ZAP70: variants seen among roughly 807,000 people sequenced by gnomAD.
ZAP70 encodes zeta chain of T cell receptor associated protein kinase 70.
Under a neutral mutation model 65.8 loss-of-function variants are expected in ZAP70, and 27 were observed. The observed-to-expected ratio is 0.41, with a 90% CI of 0.30 to 0.57. The LOEUF is 0.57. ZAP70 is among the 20% of genes least tolerant of loss of function. The pLI, the probability that ZAP70 is intolerant of heterozygous loss-of-function variation, is 0.28. For missense variants in ZAP70, 696 were observed against 870.5 expected, an observed-to-expected ratio of 0.80 and a Z score of 2.52; for synonymous variants, 363 against 360.8, an observed-to-expected ratio of 1.01 and a Z score of -0.07.
At position 97,737,562 on chromosome 2, in the gene ZAP70, G is replaced by A. The variant is rs1275947613; in HGVS notation, c.1379G>A (p.Arg460His). Residue 460 changes from arginine (R) to histidine (H), a missense_variant, in exon 11 of 14, where the codon CGT becomes CAT. Arg to His is a conservative substitution (Grantham distance 29, BLOSUM62 0). Coordinates refer to ENST00000264972, the MANE Select transcript of ZAP70 (RefSeq NM_001079.4). This position sits in a 1 kb window ranked among gnomAD's most constrained non-coding sequence, Gnocchi z 5.0. ...CTGGAGGAGAAGAACTTTGTGCACC[G>A]TGACCTGGCGGCCCGCAACGTCCTG... is the stretch of plus-strand genomic sequence containing the variant. ...KYLEEKNFVHRDLAARNVLLV... is the reference protein window; with the variant it reads ...KYLEEKNFVHHDLAARNVLLV... The A allele has an allele frequency of 1.2e-6, 2 of 1,614,154 alleles. No homozygotes were observed. The highest frequency in any genetic ancestry group is 8.5e-7 in the Non-Finnish European group (1 of 1,179,994).
chr2:97,716,632 C>T (rs750563419), intron 2 of ZAP70, among the ~76,000 whole-genome samples: 12 of 152,108 alleles, frequency 7.9e-5, no homozygotes, highest in Non-Finnish European at 1.3e-4. Flanking sequence ...GTACAAAGGC[C>T]CTGAGGCTGC....
At position 97,731,248 on chromosome 2, in the gene ZAP70, A is replaced by C. The variant is rs930538673; in HGVS notation, c.564-1635A>C. On this transcript the variant is annotated intron_variant, in intron 4 of 13. Transcript: ENST00000264972. This position sits in a 1 kb window ranked among gnomAD's most constrained non-coding sequence, Gnocchi z 4.0. ...AGCCTGCCACCTGCCTCTGACTTCC[A>C]CAGCTCTGAGACCCCCAGGGCCAAT... 1.3e-5 allele frequency among the ~76,000 whole-genome samples: 2 copies of C among 152,042 alleles called. No homozygotes were observed. The highest frequency in any genetic ancestry group is 4.8e-5 in the African/African-American group (2 of 41,396).
the ZAP70 span, among the ~76,000 whole-genome samples, chr2:97,750,051 T>C: frequency 6.6e-6 from 1 of 152,210 alleles, no homozygotes; most frequent in African/African-American, 2.4e-5. Flanking sequence ...TTTCACACCA[T>C]CCTCCTGAGG....
At chr2:97,744,609 T>G (rs573626908), downstream of ZAP70, among the ~76,000 whole-genome samples, 1 of 152,290 alleles carries the variant, frequency 6.6e-6, no homozygotes, top group East Asian at 1.9e-4. Flanking sequence ...TGATAGCTGA[T>G]CCATCAAATT....
chr2:97,751,294 TG>T, the ZAP70 span, among the ~76,000 whole-genome samples: 2 of 152,064 alleles, frequency 1.3e-5, no homozygotes, highest in Non-Finnish European at 2.9e-5. Context: ...GAGGCGGGTG[TG>T]TTTTGGATAT....
At position 97,733,728 on chromosome 2, in the gene ZAP70, C is replaced by T. The variant is rs1024357387; in HGVS notation, c.889+133C>T. On this transcript the variant is annotated intron_variant, in intron 8 of 13. Coordinates refer to ENST00000264972, the MANE Select transcript of ZAP70 (RefSeq NM_001079.4). ...CTGTGGCAGTTGGCTTGGTTAACAC[C>T]TGTGCACACATGTGCCCACACCCAT... The T allele has an allele frequency of 1.4e-5, 15 of 1,076,268 alleles. No individual in the cohort carries two copies. In the African/African-American group the frequency reaches 2.0e-4, roughly 14 times the overall value. 66.7% of individuals were successfully genotyped at this position (1,076,268 alleles called of 1,614,324 possible).
chr2:97,754,129 A>ATCT, the ZAP70 span, among the ~76,000 whole-genome samples: 443 of 152,316 alleles, frequency 2.9e-3, 3 homozygotes, highest in African/African-American at 0.01. Context: ...GTTGTGTCAG[A>ATCT]TCTTCAGATT....
chr2:97,734,272 C>A, intron 8 of ZAP70: 1 of 1,106,556 alleles, frequency 9.0e-7, no homozygotes, highest in Non-Finnish European at 1.2e-6. Flanking sequence ...AACGGTGCCA[C>A]GTGGATACCA....
rs199864362 is a variant in ZAP70, at chr2:97,725,094, C to T, written c.405C>T (p.Gly135=). The T allele has an allele frequency of 1.2e-6, 2 of 1,613,956 alleles. No homozygotes were observed. The highest frequency in any genetic ancestry group is 1.7e-6 in the Non-Finnish European group (2 of 1,180,006). ...CCTCCTCGCCTCTCCTTTTCTAGGGCGAGGCCCTGGAGCAGGCCATCATCA... is the reference window on the plus strand; with the variant it reads ...CCTCCTCGCCTCTCCTTTTCTAGGGTGAGGCCCTGGAGCAGGCCATCATCA... The part of the protein sequence containing the change: ...DYVRQTWKLE[G]EALEQAIISQ... Residue 135 remains glycine (G), a splice_region_variant and synonymous_variant, in exon 4 of 14, where the codon GGC becomes GGT. Transcript: ENST00000264972.
At position 97,736,619 on chromosome 2, in the gene ZAP70, C is replaced by T. The variant is rs549584594; in HGVS notation, c.1290-854C>T. On this transcript the variant is annotated intron_variant, in intron 10 of 13. Coordinates refer to ENST00000264972, the MANE Select transcript of ZAP70 (RefSeq NM_001079.4). The surrounding 1 kb of genome is among the most constrained non-coding windows in gnomAD (Gnocchi z 4.0). ...GGTGGGCACAAGCCTGCCGCAGCTC[C>T]AGGGGGTTGGGAGTGTTGGGGTGCG... Among the ~76,000 whole-genome samples the T allele has an allele frequency of 6.6e-6, 1 of 152,300 alleles. No individual in the cohort carries two copies. Among genetic ancestry groups the T allele is most frequent in the Admixed American group, 6.5e-5 (1 of 15,308 alleles).
chr2:97,734,902 G>C lies in ZAP70; in HGVS notation c.1082+190G>C. The C allele has an allele frequency of 4.8e-6, 4 of 826,714 alleles. No homozygotes were observed. In the Admixed American group the frequency reaches 7.4e-5, roughly 15 times the overall value. The allele number at this position is 826,714 out of a possible 1,614,324, so 51.2% of individuals were successfully genotyped here. A position where few individuals can be genotyped will look rare whatever the true frequency, so the allele number is the denominator to read the frequency against. ...CGGGACACCTGACGGGGGTGGGATG[G>C]GGCCTGGGCAGGGGGAGGCTGTGGA... is the stretch of plus-strand genomic sequence containing the variant. On this transcript the variant is annotated intron_variant, in intron 9 of 13. Coordinates refer to ENST00000264972, the MANE Select transcript of ZAP70 (RefSeq NM_001079.4).
chr2:97,724,590 C>A, intron 3 of ZAP70, 152 bp downstream of exon 3: 1 of 1,534,016 alleles, frequency 6.5e-7, no homozygotes, highest in Non-Finnish European at 8.7e-7. Context: ...TGGGGAAGAA[C>A]CTGAAAGGAG....
At chr2:97,755,420 G>GT in the ZAP70 span, among the ~76,000 whole-genome samples, 4 of 152,232 alleles carry the variant, frequency 2.6e-5, no homozygotes, top group Non-Finnish European at 5.9e-5. Context: ...GGCACCCTGT[G>GT]TGACTGCCAC....
intron 2 of ZAP70, among the ~76,000 whole-genome samples, chr2:97,717,469 T>TGAGCCTCTGGCTGGGGGGACATGTG (rs1676981858): frequency 2.1e-5 from 3 of 144,844 alleles, no homozygotes; most frequent in African/African-American, 7.7e-5. Flanking sequence ...GAGGAGCCTC[T>TGAGCCTCTGGCTGGGGGGACATGTG]GAGCCTCTGG....
chr2:97,753,688 A>C, the ZAP70 span, among the ~76,000 whole-genome samples: 1 of 152,190 alleles, frequency 6.6e-6, no homozygotes, highest in Non-Finnish European at 1.5e-5. Flanking sequence ...AACATATAAG[A>C]TACCTGGGCA....
At chr2:97,741,693 A>G (rs910344330), downstream of ZAP70, among the ~76,000 whole-genome samples, 2 of 152,230 alleles carry the variant, frequency 1.3e-5, no homozygotes, top group African/African-American at 4.8e-5. Flanking sequence ...CTGGGCTGGT[A>G]AGTGAGTTAC....
intron 3 of ZAP70, 72 bp downstream of exon 3, chr2:97,724,510 G>A: frequency 6.6e-7 from 1 of 1,514,448 alleles, no homozygotes; most frequent in Non-Finnish European, 8.8e-7. Context: ...GTTTTGGGGG[G>A]ATAGGAGGGA....
At chr2:97,724,883 C>T (rs1351839903) in intron 3 of ZAP70, 17 of 1,531,386 alleles carry the variant, frequency 1.1e-5, no homozygotes, top group African/African-American at 1.4e-5. Context: ...CGCTTGGGGC[C>T]GCGCTGGAAG....
the ZAP70 span, among the ~76,000 whole-genome samples, chr2:97,753,110 T>C: frequency 6.6e-6 from 1 of 152,244 alleles, no homozygotes; most frequent in African/African-American, 2.4e-5. Context: ...CTTAAAGGAA[T>C]GTGATGATGA....
Sources: allele counts gnomAD v4.1 joint callset (sites outside exome capture counted in the v4.1 genomes callset), GRCh38; gene constraint gnomAD v4.1.1; non-coding constraint Gnocchi (gnomAD v3.1); transcripts MANE v1.5; gene names NCBI Gene and HGNC (gene_info 2026-07-23, HGNC 2026-07-21).